Variants in CAST observed in about 807,000 individuals in gnomAD.
CAST encodes the protein MIR583 host.
In CAST, 76 loss-of-function variants were observed where a neutral mutation model predicts 119.6. That is an observed-to-expected ratio of 0.64 (90% CI 0.53 to 0.77). The LOEUF is 0.77. Among genes scored for constraint, CAST ranks in the 30% least tolerant of loss-of-function variants. CAST has a pLI of 0.00. For synonymous variants in CAST, 319 were observed against 331.6 expected, an observed-to-expected ratio of 0.96 and a Z score of 0.41; for missense variants, 953 against 946.5, an observed-to-expected ratio of 1.01 and a Z score of -0.09.
the CAST span, among the ~76,000 whole-genome samples, chr5:96,138,686 A>C: frequency 6.6e-6 from 1 of 151,928 alleles, no homozygotes; most frequent in Non-Finnish European, 1.5e-5. Context: ...TTTTGTATAT[A>C]TACATAAGTA....
At chr5:96,443,364 T>G in the CAST span, among the ~76,000 whole-genome samples, 1 of 152,234 alleles carries the variant, frequency 6.6e-6, no homozygotes, top group Non-Finnish European at 1.5e-5. Context: ...ATCAATCTTT[T>G]GCTTCAAGCC....
At chr5:96,547,707 T>C (rs943770669) in intron 1 of CAST, among the ~76,000 whole-genome samples, 24 of 152,216 alleles carry the variant, frequency 1.6e-4, no homozygotes, top group African/African-American at 5.5e-4. Context: ...AAGTTTGCGA[T>C]AGTCCACAGT....
the CAST span, among the ~76,000 whole-genome samples, chr5:96,487,112 G>C: frequency 6.6e-6 from 1 of 152,132 alleles, no homozygotes; most frequent in Non-Finnish European, 1.5e-5. Context: ...GTAATCTGTA[G>C]TAGGGGTCAG....
the CAST span, among the ~76,000 whole-genome samples, chr5:96,121,504 G>C: frequency 1.9e-4 from 28 of 150,486 alleles, no homozygotes; most frequent in Middle Eastern, 7.1e-3. Flanking sequence ...AAAGCAACCT[G>C]ATCAGGATAG....
At chr5:96,486,391 C>T in the CAST span, among the ~76,000 whole-genome samples, 1 of 152,154 alleles carries the variant, frequency 6.6e-6, no homozygotes, top group Non-Finnish European at 1.5e-5. Flanking sequence ...TTGGAAACTC[C>T]TGAGCACACA....
the CAST span, chr5:96,412,331 T>C: frequency 2.3e-5 from 37 of 1,614,168 alleles, no homozygotes; most frequent in African/African-American, 4.8e-4. Flanking sequence ...TTTGACACCA[T>C]ATTCAAAAGC....
chr5:96,173,998 T>C, the CAST span, among the ~76,000 whole-genome samples: 1 of 152,180 alleles, frequency 6.6e-6, no homozygotes, highest in Non-Finnish European at 1.5e-5. Context: ...CGCCTTAGAC[T>C]TCCGAAGTGC....
chr5:96,008,662 C>T, the CAST span, among the ~76,000 whole-genome samples: 3 of 152,068 alleles, frequency 2.0e-5, no homozygotes, highest in African/African-American at 4.8e-5. Context: ...CTAACCATGC[C>T]GACTGGTTCT....
the CAST span, among the ~76,000 whole-genome samples, chr5:96,453,715 T>C: frequency 6.6e-6 from 1 of 152,246 alleles, no homozygotes. Context: ...GTTGACTTTT[T>C]CAGGTAACTA....
chr5:96,733,613 A>G (rs2150470591), intron 9 of CAST, among the ~76,000 whole-genome samples: 1 of 152,274 alleles, frequency 6.6e-6, no homozygotes, highest in South Asian at 2.1e-4. Context: ...TTGCCTTCTT[A>G]TTTTAGTACA....
chr5:96,417,097 G>A, the CAST span, among the ~76,000 whole-genome samples: 26 of 152,306 alleles, frequency 1.7e-4, no homozygotes, highest in African/African-American at 5.8e-4. Flanking sequence ...GGGTTAGCTC[G>A]GAGCAATAAT....
chr5:96,605,714 CT>C (rs935377526), intron 1 of CAST, among the ~76,000 whole-genome samples: 3 of 152,156 alleles, frequency 2.0e-5, no homozygotes, highest in Non-Finnish European at 4.4e-5. Context: ...GAGTTGAGCC[CT>C]AGAAACATAA....
At chr5:96,316,902 G>T in the CAST span, among the ~76,000 whole-genome samples, 1 of 152,108 alleles carries the variant, frequency 6.6e-6, no homozygotes, top group Non-Finnish European at 1.5e-5. Context: ...TAAGTCTTTT[G>T]TTTTCCGAAT....
chr5:96,252,438 A>T, the CAST span, among the ~76,000 whole-genome samples: 5 of 152,076 alleles, frequency 3.3e-5, no homozygotes, highest in Admixed American at 2.6e-4. Flanking sequence ...CCCTCACAAA[A>T]CTTACGACTA....
At chr5:96,309,146 A>G in the CAST span, among the ~76,000 whole-genome samples, 19 of 152,310 alleles carry the variant, frequency 1.2e-4, no homozygotes, top group South Asian at 3.9e-3. Context: ...TGTTTCAGAG[A>G]TGCACTGCCC....
the CAST span, among the ~76,000 whole-genome samples, chr5:96,050,874 G>A: frequency 6.6e-6 from 1 of 152,172 alleles, no homozygotes; most frequent in South Asian, 2.1e-4. Flanking sequence ...GGGTCCAGGG[G>A]CACTCCTGAA....
chr5:96,020,305 A>T, the CAST span, among the ~76,000 whole-genome samples: 3 of 152,234 alleles, frequency 2.0e-5, no homozygotes, highest in Admixed American at 2.0e-4. Flanking sequence ...GCAAAGCAGA[A>T]CAAATGCTGA....
At chr5:96,569,185 A>T (rs1014387496) in intron 1 of CAST, among the ~76,000 whole-genome samples, 1 of 152,240 alleles carries the variant, frequency 6.6e-6, no homozygotes, top group African/African-American at 2.4e-5. Flanking sequence ...TTCAAAAAAC[A>T]TTCGTAATGT....
At chr5:96,484,165 T>C in the CAST span, among the ~76,000 whole-genome samples, 6 of 152,264 alleles carry the variant, frequency 3.9e-5, no homozygotes, top group Admixed American at 1.3e-4. Flanking sequence ...CACAACTCTC[T>C]GGTTCTGATG....
Sources: allele counts gnomAD v4.1 joint callset (sites outside exome capture counted in the v4.1 genomes callset), GRCh38; gene constraint gnomAD v4.1.1; transcripts MANE v1.5; gene names NCBI Gene and HGNC (gene_info 2026-07-23, HGNC 2026-07-21).